DNM3: variants seen among roughly 807,000 people sequenced by gnomAD.
The protein encoded by DNM3 is dynamin-3.
DNM3 carries 47 observed loss-of-function variants against 101.6 expected under a neutral mutation model. That is an observed-to-expected ratio of 0.46 (90% CI 0.37 to 0.59). The LOEUF (loss-of-function observed/expected upper bound fraction) is 0.59, where lower values mean the gene tolerates loss of function less well. Ranked by LOEUF, DNM3 falls within the 20% of genes least tolerant of loss-of-function variation. The probability of loss-of-function intolerance (pLI) is 0.00; values close to 1 mark genes in which losing one functional copy is unlikely to be tolerated. For synonymous variants in DNM3, 385 were observed against 387.9 expected, an observed-to-expected ratio of 0.99 and a Z score of 0.09; for missense variants, 849 against 1,085.7, an observed-to-expected ratio of 0.78 and a Z score of 3.06.
In DNM3 at chr1:171,946,188, T is replaced by A. The variant is rs183663396; in HGVS notation, c.235+24367T>A. Among the ~76,000 whole-genome samples, 30 of 152,288 alleles carry A rather than the reference T, an allele frequency of 2.0e-4. 1 individual carries two copies. Among genetic ancestry groups the A allele is most frequent in the Middle Eastern group, 6.8e-3 (2 of 294 alleles). Reference sequence around the variant, plus strand: ...GAAGCATTTGTTGGGGAGGCAAAACTTTTTCTCTGCTCTCTTAGTTCAGTT... The same window carrying A: ...GAAGCATTTGTTGGGGAGGCAAAACATTTTCTCTGCTCTCTTAGTTCAGTT... On this transcript the variant is annotated intron_variant, in intron 2 of 20. Transcript: ENST00000627582.
chr1:172,267,434 G>T (rs1231834645), intron 15 of DNM3, among the ~76,000 whole-genome samples: 1 of 152,138 alleles, frequency 6.6e-6, no homozygotes, highest in Non-Finnish European at 1.5e-5. Context: ...CAGACTCTCA[G>T]AGGAAATAGT....
chr1:172,045,170 G>T (rs1235981697), intron 9 of DNM3, among the ~76,000 whole-genome samples: 3 of 146,286 alleles, frequency 2.1e-5, no homozygotes, highest in Admixed American at 1.4e-4. Context: ...GCTGGGTGGG[G>T]TTGGGGGTGG....
chr1:172,353,170 G>A (rs982183322), intron 17 of DNM3, among the ~76,000 whole-genome samples: 1 of 152,062 alleles, frequency 6.6e-6, no homozygotes, highest in African/African-American at 2.4e-5. Flanking sequence ...CCTCCTGCCT[G>A]CAAGATGCTG....
chr1:172,051,866 G>A (rs2050228491), intron 10 of DNM3, among the ~76,000 whole-genome samples: 1 of 152,100 alleles, frequency 6.6e-6, no homozygotes, highest in African/African-American at 2.4e-5. Flanking sequence ...GAAACTCCAG[G>A]ACTGCTAAAA....
chr1:171,857,134 A>G (rs2033693456), intron 1 of DNM3, among the ~76,000 whole-genome samples: 1 of 152,168 alleles, frequency 6.6e-6, no homozygotes, highest in South Asian at 2.1e-4. Context: ...TGAATTTAGG[A>G]AGCAATGAGG....
chr1:172,417,890 G>A (rs1366408189), intron 20 of DNM3, among the ~76,000 whole-genome samples: 2 of 152,166 alleles, frequency 1.3e-5, no homozygotes, highest in Non-Finnish European at 2.9e-5. Flanking sequence ...GGAAATAACT[G>A]AGTTTCACAA....
intron 17 of DNM3, among the ~76,000 whole-genome samples, chr1:172,369,901 CCT>C (rs1259106496): frequency 3.3e-5 from 5 of 151,842 alleles, no homozygotes; most frequent in Admixed American, 2.6e-4. Flanking sequence ...TCTTCTGAGG[CCT>C]CTCTTCTTGA....
intron 1 of DNM3, among the ~76,000 whole-genome samples, chr1:171,878,287 G>A (rs1266921842): frequency 6.6e-6 from 1 of 151,852 alleles, no homozygotes; most frequent in Non-Finnish European, 1.5e-5. Flanking sequence ...TTGGGGATAG[G>A]GACCTTGTTT....
At chr1:172,300,762 A>G (rs1239252712) in intron 15 of DNM3, among the ~76,000 whole-genome samples, 1 of 152,254 alleles carries the variant, frequency 6.6e-6, no homozygotes, top group Non-Finnish European at 1.5e-5. Flanking sequence ...TGAGGAGGCT[A>G]TTGTATAATA....
At chr1:172,278,195 A>G (rs1309734711) in intron 15 of DNM3, among the ~76,000 whole-genome samples, 6 of 152,146 alleles carry the variant, frequency 3.9e-5, no homozygotes, top group African/African-American at 2.4e-5. Context: ...CCTTAGGTGT[A>G]TAAATAGCTA....
intron 16 of DNM3, among the ~76,000 whole-genome samples, chr1:172,317,423 T>C (rs898422307): frequency 2.0e-5 from 3 of 151,684 alleles, no homozygotes; most frequent in Admixed American, 1.3e-4. Context: ...ACAAAAAAAA[T>C]CCTTCAAAAA....
At chr1:172,080,964 T>C (rs1355616266) in intron 11 of DNM3, among the ~76,000 whole-genome samples, 1 of 152,154 alleles carries the variant, frequency 6.6e-6, no homozygotes, top group African/African-American at 2.4e-5. Context: ...ACCCACTGTC[T>C]AACCAGTCCC....
chr1:172,318,440 C>T (rs1289202659), intron 16 of DNM3, among the ~76,000 whole-genome samples: 2 of 152,070 alleles, frequency 1.3e-5, no homozygotes, highest in Admixed American at 6.5e-5. Flanking sequence ...AAAGAGGAAG[C>T]CAAATTGTCC....
chr1:172,361,756 A>G (rs1427284263), intron 17 of DNM3, among the ~76,000 whole-genome samples: 1 of 151,982 alleles, frequency 6.6e-6, no homozygotes, highest in Non-Finnish European at 1.5e-5. Flanking sequence ...TCATTCTGCA[A>G]TAGCCACCTC....
intron 1 of DNM3, among the ~76,000 whole-genome samples, chr1:171,911,471 C>T (rs184379555): frequency 5.3e-5 from 8 of 152,056 alleles, no homozygotes; most frequent in South Asian, 4.2e-4. Flanking sequence ...TTAGTATAGA[C>T]GGGGTTTCGC....
intron 13 of DNM3, among the ~76,000 whole-genome samples, chr1:172,095,150 C>A (rs1261551417): frequency 6.6e-6 from 1 of 152,100 alleles, no homozygotes; most frequent in Admixed American, 6.6e-5. Context: ...ACTTCTGGGG[C>A]CAGACATGCC....
chr1:172,330,569 G>A (rs370470280), intron 17 of DNM3, among the ~76,000 whole-genome samples: 8 of 151,838 alleles, frequency 5.3e-5, no homozygotes, highest in African/African-American at 1.7e-4. Flanking sequence ...AGAAATTCTG[G>A]TACAGAATTT....
intron 2 of DNM3, among the ~76,000 whole-genome samples, chr1:171,928,268 C>T (rs2040734141): frequency 6.6e-6 from 1 of 152,146 alleles, no homozygotes; most frequent in South Asian, 2.1e-4. Flanking sequence ...GTGGGTTCTT[C>T]TCCCTCTTGA....
rs985720619 is a variant in DNM3 at position 172,136,234 on chromosome 1, G to A, written c.1659+4946G>A. Among the ~76,000 whole-genome samples, 5 of 152,090 alleles carry A rather than the reference G, an allele frequency of 3.3e-5. No homozygotes were observed. The South Asian group carries it at 6.2e-4, about 19-fold the overall frequency. On this transcript the variant is annotated intron_variant, in intron 14 of 20. Coordinates refer to ENST00000627582, the MANE Select transcript of DNM3 (RefSeq NM_015569.5). ...CTTATAGGGATATTTACTTAGCATT[G>A]TTTTCATTTTGTAACAATAACAAAT... is the stretch of plus-strand genomic sequence containing the variant.
Sources: allele counts gnomAD v4.1 joint callset (sites outside exome capture counted in the v4.1 genomes callset), GRCh38; gene constraint gnomAD v4.1.1; transcripts MANE v1.5; gene names NCBI Gene and HGNC (gene_info 2026-07-23, HGNC 2026-07-21).